The following BRD1 variants were observed in gnomAD, a reference collection of about 807,000 sequenced individuals.
The protein encoded by BRD1 is bromodomain-containing protein 1.
Under a neutral mutation model 107.7 loss-of-function variants are expected in BRD1, and 24 were observed. The observed-to-expected ratio is 0.22, with a 90% CI of 0.16 to 0.31. BRD1 has a LOEUF of 0.31. Among genes scored for constraint, BRD1 ranks in the 10% least tolerant of loss-of-function variants. The probability of loss-of-function intolerance (pLI) is 1.00; values close to 1 mark genes in which losing one functional copy is unlikely to be tolerated. For missense variants in BRD1, 1,279 were observed against 1,638.6 expected, an observed-to-expected ratio of 0.78 and a Z score of 3.79; for synonymous variants, 744 against 686.1, an observed-to-expected ratio of 1.08 and a Z score of -1.32.
chr22:49,777,419 T>C (rs1005323511), intron 9 of BRD1, among the ~76,000 whole-genome samples: 1 of 152,220 alleles, frequency 6.6e-6, no homozygotes, highest in Non-Finnish European at 1.5e-5. Flanking sequence ...AAAGATCAAG[T>C]GTAAAACTTC....
intron 2 of BRD1, among the ~76,000 whole-genome samples, chr22:49,808,639 T>C (rs1054065373): frequency 2.6e-5 from 4 of 152,230 alleles, no homozygotes; most frequent in Non-Finnish European, 5.9e-5. Flanking sequence ...AAGTGCTTCA[T>C]GCCCCTGAGC....
chr22:49,811,674 T>C (rs924979863), intron 2 of BRD1, among the ~76,000 whole-genome samples: 1 of 152,220 alleles, frequency 6.6e-6, no homozygotes, highest in African/African-American at 2.4e-5. Context: ...GAATTTCCCA[T>C]TTAATACTTT....
intron 3 of BRD1, among the ~76,000 whole-genome samples, chr22:49,802,869 C>A (rs1416349644): frequency 6.6e-6 from 1 of 152,202 alleles, no homozygotes. Context: ...ACGGAAGATG[C>A]GGTTAACTCA....
chr22:49,819,855 C>A (rs548853696), intron 2 of BRD1, among the ~76,000 whole-genome samples: 1 of 152,088 alleles, frequency 6.6e-6, no homozygotes, highest in Admixed American at 6.5e-5. Flanking sequence ...TTTAGCCTGG[C>A]GCAGTGGCTC....
At chr22:49,808,338 A>G in intron 2 of BRD1, among the ~76,000 whole-genome samples, 1 of 152,272 alleles carries the variant, frequency 6.6e-6, no homozygotes, top group Admixed American at 6.5e-5. Context: ...AGGGTTATTC[A>G]GCCTTAAAAG....
chr22:49,794,561 A>T (rs1569106737), intron 6 of BRD1, among the ~76,000 whole-genome samples: 2 of 152,214 alleles, frequency 1.3e-5, no homozygotes, highest in Admixed American at 6.5e-5. Context: ...TCCAGGTAAG[A>T]TCGCAACCTC....
intron 2 of BRD1, chr22:49,805,873 C>G (rs1280464520): frequency 6.6e-6 from 1 of 152,098 alleles, no homozygotes; most frequent in African/African-American, 2.4e-5. Context: ...TCCCTAGTAG[C>G]TGGGACTACA....
At chr22:49,826,393 C>T (rs1601761205) in intron 1 of BRD1, 1 of 337,176 alleles carries the variant, frequency 3.0e-6, no homozygotes, top group Non-Finnish European at 4.2e-6. Flanking sequence ...ACGACCTCCT[C>T]TGCTTCACCG....
chr22:49,785,312 T>C (rs1205644449), intron 8 of BRD1, among the ~76,000 whole-genome samples: 1 of 152,172 alleles, frequency 6.6e-6, no homozygotes, highest in East Asian at 1.9e-4. Flanking sequence ...GGAGGCCGCC[T>C]CAAACCCCAG....
At chr22:49,794,764 G>A (rs1303139150) in intron 6 of BRD1, among the ~76,000 whole-genome samples, 1 of 152,208 alleles carries the variant, frequency 6.6e-6, no homozygotes, top group Non-Finnish European at 1.5e-5. Context: ...CGTCCTAAGT[G>A]GTGTCTTAGC....
At position 49,824,415 on chromosome 22, in the gene BRD1, C is replaced by A; in HGVS notation, c.-14-84G>T. The A allele has an allele frequency of 6.6e-7, 1 of 1,526,612 alleles. No homozygotes were observed. The highest frequency in any genetic ancestry group is 1.9e-4 in the Middle Eastern group (1 of 5,234). The allele number at this position is 1,526,612 out of a possible 1,614,324, so 94.6% of individuals were successfully genotyped here. On this transcript the variant is annotated intron_variant, in intron 1 of 12. Coordinates refer to ENST00000404760, the MANE Select transcript of BRD1 (RefSeq NM_001304808.3). The surrounding 1 kb of genome is among the most constrained non-coding windows in gnomAD (Gnocchi z 5.9). ...ACCACAAAAGCATGCTTGGACAGAT[C>A]TAGCTCAGCAGCTCAAAGCCCAATC...
intron 7 of BRD1, among the ~76,000 whole-genome samples, chr22:49,793,622 A>G (rs2059474750): frequency 6.6e-6 from 1 of 152,246 alleles, no homozygotes; most frequent in Non-Finnish European, 1.5e-5. Flanking sequence ...TTGATGGCCT[A>G]GCGCACAATT....
chr22:49,777,293 C>CT (rs2059120621), intron 9 of BRD1, 132 bp from the exon 10 acceptor site: 1 of 1,396,604 alleles, frequency 7.2e-7, no homozygotes, highest in Non-Finnish European at 9.8e-7. Flanking sequence ...CCAGACGGGC[C>CT]TGTGGGTGCG....
At chr22:49,798,223 C>CACACACAG (rs2059571418) in intron 5 of BRD1, 106 bp from the exon 6 acceptor site, 1 of 1,150,848 alleles carries the variant, frequency 8.7e-7, no homozygotes, top group East Asian at 2.4e-5. Flanking sequence ...ATCTGAGAGC[C>CACACACAG]ACACACAGAC....
rs2059036242 is a variant in BRD1, at chr22:49,774,201, T to C, written c.*32A>G. ...ACAAACATGTACAGCTTATCAACAC[T>C]ATGGACAAGACCCGCGCTGGCGGCC... On this transcript the variant is annotated 3_prime_UTR_variant, in exon 13 of 13. Transcript: ENST00000404760. 4 of 1,601,076 alleles carry C rather than the reference T, an allele frequency of 2.5e-6. No homozygotes were observed. Among genetic ancestry groups the C allele is most frequent in the African/African-American group, 1.3e-5 (1 of 74,496 alleles).
intron 8 of BRD1, among the ~76,000 whole-genome samples, chr22:49,786,614 G>A (rs1378058526): frequency 6.6e-6 from 1 of 152,180 alleles, no homozygotes; most frequent in South Asian, 2.1e-4. Flanking sequence ...CACAGGGGCA[G>A]GTCCTCTCAG....
At position 49,773,924 on chromosome 22, in the gene BRD1, T is replaced by C. The variant is rs1470828832; in HGVS notation, c.*309A>G. On this transcript the variant is annotated 3_prime_UTR_variant, in exon 13 of 13. Coordinates refer to ENST00000404760, the MANE Select transcript of BRD1 (RefSeq NM_001304808.3). ...TAAGTGGTACTCTGTGTAAAGAGCATGATTTACAAAATTATTAAACATTCA... is the reference window on the plus strand; with the variant it reads ...TAAGTGGTACTCTGTGTAAAGAGCACGATTTACAAAATTATTAAACATTCA... The C allele has an allele frequency of 8.0e-6, 2 of 249,310 alleles. No homozygotes were observed. Among genetic ancestry groups the C allele is most frequent in the East Asian group, 7.9e-5 (1 of 12,678 alleles). The allele number at this position is 249,310 out of a possible 1,614,324, so 15.4% of individuals were successfully genotyped here.
intron 7 of BRD1, among the ~76,000 whole-genome samples, chr22:49,791,682 G>C (rs772268970): frequency 2.0e-5 from 3 of 151,864 alleles, no homozygotes; most frequent in Non-Finnish European, 4.4e-5. Context: ...TCTGGCACTC[G>C]CCTCTCCACA....
intron 12 of BRD1, 42 bp from the exon 13 acceptor site, chr22:49,774,458 A>G: frequency 2.5e-6 from 4 of 1,580,420 alleles, no homozygotes; most frequent in Non-Finnish European, 3.5e-6. Flanking sequence ...TTGCTTGCAC[A>G]TGGTATTTCA....
Sources: allele counts gnomAD v4.1 joint callset (sites outside exome capture counted in the v4.1 genomes callset), GRCh38; gene constraint gnomAD v4.1.1; non-coding constraint Gnocchi (gnomAD v3.1); transcripts MANE v1.5; gene names NCBI Gene and HGNC (gene_info 2026-07-23, HGNC 2026-07-21).